SRGAP3: variants seen among roughly 807,000 people sequenced by gnomAD.
SRGAP3 encodes SLIT-ROBO Rho GTPase-activating protein 3.
A neutral mutation model predicts 121.1 loss-of-function variants in SRGAP3; 39 were observed. The ratio of observed to expected loss-of-function variants is 0.32; its 90% CI spans 0.25 to 0.42. SRGAP3 has a LOEUF of 0.42. Ranked by LOEUF, SRGAP3 falls within the 10% of genes least tolerant of loss-of-function variation. SRGAP3 has a pLI of 1.00. For synonymous variants in SRGAP3, 601 were observed against 570.0 expected, an observed-to-expected ratio of 1.05 and a Z score of -0.77; for missense variants, 1,213 against 1,470.6, an observed-to-expected ratio of 0.82 and a Z score of 2.86.
chr3:9,037,662 C>A (rs570841606), intron 11 of SRGAP3: 1 of 281,738 alleles, frequency 3.5e-6, no homozygotes, highest in East Asian at 8.3e-5. Context: ...CTGGGCCTCG[C>A]AGCATGGCTG....
intron 12 of SRGAP3, among the ~76,000 whole-genome samples, chr3:9,027,303 G>C (rs917597339): frequency 6.6e-6 from 1 of 152,196 alleles, no homozygotes; most frequent in Non-Finnish European, 1.5e-5. Context: ...AACCACCTCG[G>C]GGGGGTGCTG....
intron 3 of SRGAP3, among the ~76,000 whole-genome samples, chr3:9,263,989 G>T (rs889725568): frequency 1.3e-5 from 2 of 152,134 alleles, no homozygotes; most frequent in Non-Finnish European, 2.9e-5. Flanking sequence ...TTGGCAAACC[G>T]AATCCAGCAG....
rs184672909 is a variant in SRGAP3 at position 9,107,791 on chromosome 3, C to A, written c.261-2949G>T. The stretch of plus-strand genomic sequence containing the variant: ...TCTACCTTAAGGAGTTTCCATCCCT[C>A]CCCCTCACCCTACTGTGAGCTCTTT... On this transcript the variant is annotated intron_variant, in intron 2 of 21. Coordinates refer to ENST00000383836, the MANE Select transcript of SRGAP3 (RefSeq NM_014850.4). Among the ~76,000 whole-genome samples, 16 of 152,238 alleles carry A rather than the reference C, an allele frequency of 1.1e-4. 1 individual carries two copies. The highest frequency in any genetic ancestry group is 1.0e-3 in the Admixed American group (16 of 15,288).
chr3:9,318,710 C>CAA lies in SRGAP3; in HGVS notation n.442+7298_442+7299dup, dbSNP rs535662345. ...GTAACATAGCAAGACCCCATCTGTA[C>CAA]AAAAAAAAAAAAAATTTAAATAGCC... is the stretch of plus-strand genomic sequence containing the variant. On this transcript the variant is annotated intron_variant and non_coding_transcript_variant, in intron 3 of 3. Coordinates refer to the SRGAP3 transcript ENST00000490889. Among the ~76,000 whole-genome samples the CAA allele has an allele frequency of 9.1e-3, 1,045 of 115,388 alleles. 6 individuals are homozygous for CAA. The highest frequency in any genetic ancestry group is 0.015 in the Non-Finnish European group (832 of 54,202). The allele number at this position is 115,388 out of a possible 152,430, so 75.7% of individuals were successfully genotyped here.
At chr3:9,358,201 T>C (rs2030619965) in intron 1 of SRGAP3, among the ~76,000 whole-genome samples, 1 of 152,128 alleles carries the variant, frequency 6.6e-6, no homozygotes, top group African/African-American at 2.4e-5. Flanking sequence ...ATCACTTCCA[T>C]AAGAAACTCT....
chr3:8,990,816 G>C lies in SRGAP3; in HGVS notation c.2582C>G (p.Ala861Gly). 1 of 1,569,154 alleles carries C rather than the reference G, an allele frequency of 6.4e-7. No individual in the cohort carries two copies. Among genetic ancestry groups the C allele is most frequent in the Non-Finnish European group, 8.6e-7 (1 of 1,161,434 alleles). ...MGRVRLRSDG[A>G]AIPRRRSGGD... is the part of the protein sequence containing the mutation. ...CCCGCTTCGGCGTCTGGGGATGGCTGCTCCATCAGATCGTAACCGCACTCT... is the reference window on the plus strand; with the variant it reads ...CCCGCTTCGGCGTCTGGGGATGGCTCCTCCATCAGATCGTAACCGCACTCT... Residue 861 changes from alanine (A) to glycine (G), a missense_variant, in exon 21 of 22, where the codon GCA (alanine) becomes GGA (glycine). Ala to Gly is a moderately conservative substitution (Grantham distance 60). Coordinates refer to ENST00000383836, the MANE Select transcript of SRGAP3 (RefSeq NM_014850.4).
In SRGAP3 at chr3:9,214,741, C is replaced by G. The variant is rs148154281; in HGVS notation, c.67+34144G>C. Among the ~76,000 whole-genome samples the G allele has an allele frequency of 9.0e-4, 137 of 152,130 alleles. 2 individuals are homozygous for G. The East Asian group carries it at 0.019, about 21-fold the overall frequency. ...GCATCCTTTGATTCAGATGAAGGACCAGGAATTTGGGGGTAAGAGAAATAA... is the reference window on the plus strand; with the variant it reads ...GCATCCTTTGATTCAGATGAAGGACGAGGAATTTGGGGGTAAGAGAAATAA... On this transcript the variant is annotated intron_variant, in intron 1 of 21. Coordinates refer to ENST00000383836, the MANE Select transcript of SRGAP3 (RefSeq NM_014850.4).
intron 1 of SRGAP3, among the ~76,000 whole-genome samples, chr3:9,241,635 G>C (rs1953641734): frequency 6.6e-6 from 1 of 152,210 alleles, no homozygotes; most frequent in South Asian, 2.1e-4. Flanking sequence ...ATTATGAGTT[G>C]AATGTTTATG....
At chr3:9,048,785 C>T (rs1370473233) in intron 9 of SRGAP3, among the ~76,000 whole-genome samples, 1 of 152,148 alleles carries the variant, frequency 6.6e-6, no homozygotes, top group Admixed American at 6.5e-5. Context: ...GTTCATGCCA[C>T]TGCACTCCAT....
At chr3:9,025,862 T>A (rs1944172445) in intron 13 of SRGAP3, among the ~76,000 whole-genome samples, 1 of 152,228 alleles carries the variant, frequency 6.6e-6, no homozygotes, top group Admixed American at 6.5e-5. Flanking sequence ...CCTGTGATCC[T>A]TTCCCTATCT....
chr3:9,178,677 G>A (rs994454756), intron 1 of SRGAP3, among the ~76,000 whole-genome samples: 4 of 152,190 alleles, frequency 2.6e-5, no homozygotes, highest in Non-Finnish European at 5.9e-5. Flanking sequence ...CCTGCAGCAG[G>A]CTGACGGCAT....
intron 3 of SRGAP3, among the ~76,000 whole-genome samples, chr3:9,254,740 G>T (rs118187307): frequency 2.6e-5 from 4 of 151,288 alleles, no homozygotes; most frequent in Admixed American, 6.6e-5. Context: ...AGGGTGCAGT[G>T]AGCTGTGACT....
intron 1 of SRGAP3, among the ~76,000 whole-genome samples, chr3:9,162,822 G>C (rs1037218682): frequency 1.3e-5 from 2 of 152,218 alleles, no homozygotes; most frequent in Non-Finnish European, 2.9e-5. Context: ...TACCTTGTAG[G>C]GTGTTTTGAG....
intron 20 of SRGAP3, chr3:8,992,524 A>C: frequency 2.6e-6 from 1 of 388,418 alleles, no homozygotes; most frequent in South Asian, 3.1e-5. Flanking sequence ...GTTTCAGGGA[A>C]TATGTGAGCT....
intron 18 of SRGAP3, chr3:9,006,984 A>C (rs1943113677): frequency 7.5e-6 from 1 of 133,832 alleles, no homozygotes; most frequent in African/African-American, 2.9e-5. Context: ...TTTTTGAGAC[A>C]GGACCTTGTT....
intron 2 of SRGAP3, among the ~76,000 whole-genome samples, chr3:9,111,355 C>T (rs961901927): frequency 3.9e-5 from 6 of 152,124 alleles, no homozygotes; most frequent in African/African-American, 9.7e-5. Context: ...AGTTGGAGGG[C>T]GCTAGTGAAA....
chr3:9,130,241 A>G (rs532790076), intron 1 of SRGAP3, among the ~76,000 whole-genome samples: 1 of 152,240 alleles, frequency 6.6e-6, no homozygotes, highest in East Asian at 1.9e-4. Context: ...ACATACATTC[A>G]ACGTGGATGT....
chr3:9,052,678 T>G (rs1018297988), intron 9 of SRGAP3, among the ~76,000 whole-genome samples: 1 of 152,242 alleles, frequency 6.6e-6, no homozygotes, highest in East Asian at 1.9e-4. Context: ...CAATTCAACA[T>G]GATAATCTAT....
intron 20 of SRGAP3, 160 bp downstream of exon 20, chr3:8,992,746 G>T: frequency 7.8e-7 from 1 of 1,282,066 alleles, no homozygotes; most frequent in Non-Finnish European, 1.1e-6. Context: ...TGGCCTTCTT[G>T]GGCCAATGCC....
Sources: gnomAD v4.1 joint callset for allele counts (sites outside exome capture counted in the v4.1 genomes callset) on GRCh38, gnomAD v4.1.1 for gene constraint, MANE v1.5 for transcripts, NCBI Gene and HGNC (gene_info 2026-07-23, HGNC 2026-07-21) for gene names.